The following PAQR9 variants were observed in gnomAD, a reference collection of about 807,000 sequenced individuals.
PAQR9 encodes progestin and adipoQ receptor family member 9.
Under a neutral mutation model 24.0 loss-of-function variants are expected in PAQR9, and 12 were observed. The observed-to-expected ratio is 0.50, with a 90% confidence interval of 0.32 to 0.81. PAQR9 has a LOEUF of 0.81. Among genes scored for constraint, PAQR9 ranks in the 30% least tolerant of loss-of-function variants. The pLI, the probability that PAQR9 is intolerant of heterozygous loss-of-function variation, is 0.03. For missense variants in PAQR9, 418 were observed against 520.8 expected (o/e 0.80, Z 1.92); for synonymous variants, 266 against 237.6 (o/e 1.12, Z -1.10).
At chr3:142,950,986 T>C (rs1315097335), downstream of PAQR9, among the ~76,000 whole-genome samples, 1 of 152,218 alleles carries the variant, frequency 6.6e-6, no homozygotes, top group Non-Finnish European at 1.5e-5. Flanking sequence ...TTTTGGTTAT[T>C]AGGGGTTGAA....
At position 142,963,362 on chromosome 3, in the gene PAQR9, G is replaced by A. The variant is rs1357365270; in HGVS notation, c.-26C>T. 5.0e-6 allele frequency: 6 copies of A among 1,196,782 alleles called. No homozygotes were observed. The highest frequency in any genetic ancestry group is 4.5e-5 in the Admixed American group (1 of 22,280). 74.1% of individuals were successfully genotyped at this position (1,196,782 alleles called of 1,614,324 possible). A position where few individuals can be genotyped will look rare whatever the true frequency, so the allele number is the denominator to read the frequency against. ...GGTGCCCGGGGCTCGGCTAGGGCGC[G>A]CGCAGGCGACCTCTGGCGCCGGCTC... is the stretch of plus-strand genomic sequence containing the variant. On this transcript the variant is annotated 5_prime_UTR_variant, in exon 1 of 1. Transcript: ENST00000340634.
Position 142,959,727 on chromosome 3 carries a change from G to C in PAQR9, c.*2476C>G, listed in dbSNP as rs9828314. Among the ~76,000 whole-genome samples the C allele has an allele frequency of 0.055, 8,428 of 152,302 alleles. 328 individuals are homozygous for C. Among genetic ancestry groups the C allele is most frequent in the Middle Eastern group, 0.092 (27 of 294 alleles). The stretch of plus-strand genomic sequence containing the variant: ...AAAGGACAAGAAGAGAATTCTGTCT[G>C]TGGACCTGGAAGAACAACAAAAAAT... On this transcript the variant is annotated 3_prime_UTR_variant, in exon 1 of 1. Transcript: ENST00000340634.
Position 142,959,359 on chromosome 3 carries a change from A to C in PAQR9, c.*2844T>G, listed in dbSNP as rs1214805462. On this transcript the variant is annotated 3_prime_UTR_variant, in exon 1 of 1. Transcript: ENST00000340634. ...CATCAAGAAATTTAATAAATTCAGC[A>C]AATAAACTGTATAGTTTAACAAATC... is the stretch of plus-strand genomic sequence containing the variant. 6.6e-6 allele frequency among the ~76,000 whole-genome samples: 1 copy of C among 152,250 alleles called. No individual in the cohort carries two copies. Among genetic ancestry groups the C allele is most frequent in the African/African-American group, 2.4e-5 (1 of 41,472 alleles).
In PAQR9 at chr3:142,955,083, A is replaced by C. The variant is rs940464754; in HGVS notation, c.*7120T>G. On this transcript the variant is annotated 3_prime_UTR_variant, in exon 1 of 1. Coordinates refer to ENST00000340634, the MANE Select transcript of PAQR9 (RefSeq NM_198504.4). Reference sequence around the variant, plus strand: ...TTAAATGAACTTAAAAACAAAAACAAAAAACAGACACATGAAGGTCTCTAT... The same window carrying C: ...TTAAATGAACTTAAAAACAAAAACACAAAACAGACACATGAAGGTCTCTAT... Among the ~76,000 whole-genome samples, 4 of 152,128 alleles carry C rather than the reference A, an allele frequency of 2.6e-5. 1 individual carries two copies. Among genetic ancestry groups the C allele is most frequent in the Admixed American group, 2.6e-4 (4 of 15,276 alleles).
Position 142,962,740 on chromosome 3 carries a change from G to A in PAQR9, c.597C>T (p.His199=). The A allele has an allele frequency of 1.2e-6, 2 of 1,612,554 alleles. No individual in the cohort carries two copies. Among genetic ancestry groups the A allele is most frequent in the East Asian group, 4.5e-5 (2 of 44,840 alleles). ...TPYLQQRLGW[H]VDCTRLIAAY... ...CGGCGATAAGGCGCGTGCAGTCCAC[G>A]TGCCAGCCCAGGCGCTGCTGCAAGT... Residue 199 remains histidine (H), a synonymous_variant, in exon 1 of 1, where the codon CAC becomes CAT. Transcript: ENST00000340634.
upstream of PAQR9, chr3:142,963,910 C>T (rs986732605): frequency 1.0e-6 from 1 of 985,018 alleles, no homozygotes; most frequent in Non-Finnish European, 1.2e-6. Flanking sequence ...GATGCGGGGG[C>T]CGCAGGCTGG....
chr3:142,954,242 G>A (rs1934759821), downstream of PAQR9, among the ~76,000 whole-genome samples: 1 of 152,340 alleles, frequency 6.6e-6, no homozygotes, highest in Admixed American at 6.5e-5. Context: ...GACAAGATGT[G>A]TTACACAGAA....
In PAQR9 at chr3:142,956,466, T is replaced by C. The variant is rs981398646; in HGVS notation, c.*5737A>G. Among the ~76,000 whole-genome samples, 2 of 152,210 alleles carry C rather than the reference T, an allele frequency of 1.3e-5. No homozygotes were observed. The highest frequency in any genetic ancestry group is 2.4e-5 in the African/African-American group (1 of 41,456). Reference sequence around the variant, plus strand: ...CCATGTTTGGAATAGCTTCCAGAGATTGATTGAGAACAAAAGCATTAAAGC... The same window carrying C: ...CCATGTTTGGAATAGCTTCCAGAGACTGATTGAGAACAAAAGCATTAAAGC... On this transcript the variant is annotated 3_prime_UTR_variant, in exon 1 of 1. Coordinates refer to ENST00000340634, the MANE Select transcript of PAQR9 (RefSeq NM_198504.4).
At chr3:142,953,562 G>A (rs984343681), downstream of PAQR9, among the ~76,000 whole-genome samples, 1 of 152,074 alleles carries the variant, frequency 6.6e-6, no homozygotes, top group African/African-American at 2.4e-5. Flanking sequence ...GGCTTGGAAA[G>A]CACTTTACAC....
chr3:142,949,948 T>C (rs1476620021), downstream of PAQR9: 1 of 152,202 alleles, frequency 6.6e-6, no homozygotes, highest in East Asian at 1.9e-4. Flanking sequence ...TCTAGTGACA[T>C]AGCCTCAAGC....
Position 142,962,830 on chromosome 3 carries a change from C to T in PAQR9, c.507G>A (p.Thr169=), listed in dbSNP as rs768277230. The stretch of plus-strand genomic sequence containing the variant: ...GCAACAGGTAGTAGTAGTAGGCCAC[C>T]GTGCTGCCGAAGCCGTAGTAGCTGA... The part of the protein sequence containing the change: ...ASISYYGFGS[T]VAYYYYLLPG... The change falls in exon 1 of 1, where the codon ACG becomes ACA. Residue 169 remains threonine, a synonymous_variant. Transcript: ENST00000340634. 8.7e-6 allele frequency: 14 copies of T among 1,612,924 alleles called. No individual in the cohort carries two copies. In the Admixed American group the frequency reaches 2.3e-4, roughly 27 times the overall value.
At position 142,962,268 on chromosome 3, in the gene PAQR9, C is replaced by CCAG. The variant is rs760275466; in HGVS notation, c.1066_1068dup (p.Leu356dup). The CCAG allele has an allele frequency of 6.2e-7, 1 of 1,614,180 alleles. No individual in the cohort carries two copies. The highest frequency in any genetic ancestry group is 8.5e-7 in the Non-Finnish European group (1 of 1,180,044). ...CTGATTACCAGCCCCAGGCAGACCACCAGCAGCAGCATGTAGCCCACAGTA... is the reference window on the plus strand; with the variant it reads ...CTGATTACCAGCCCCAGGCAGACCACCAGCAGCAGCAGCATGTAGCCCACAGTA... On this transcript the variant is annotated inframe_insertion, in exon 1 of 1. Coordinates refer to ENST00000340634, the MANE Select transcript of PAQR9 (RefSeq NM_198504.4).
chr3:142,963,738 G>A, upstream of PAQR9: 1 of 885,922 alleles, frequency 1.1e-6, no homozygotes, highest in Non-Finnish European at 1.4e-6. Flanking sequence ...GGGGATGTGC[G>A]AGCCGAGGCG....
At chr3:142,953,482 T>C (rs1035737133), downstream of PAQR9, among the ~76,000 whole-genome samples, 2 of 152,146 alleles carry the variant, frequency 1.3e-5, no homozygotes, top group Non-Finnish European at 2.9e-5. Context: ...TTTGGGCTGT[T>C]AGCATGGTTT....
Position 142,955,076 on chromosome 3 carries a change from A to G in PAQR9, c.*7127T>C, listed in dbSNP as rs909137361. Reference sequence around the variant, plus strand: ...ATCACCCTTAAATGAACTTAAAAACAAAAACAAAAAACAGACACATGAAGG... The same window carrying G: ...ATCACCCTTAAATGAACTTAAAAACGAAAACAAAAAACAGACACATGAAGG... On this transcript the variant is annotated 3_prime_UTR_variant, in exon 1 of 1. Coordinates refer to ENST00000340634, the MANE Select transcript of PAQR9 (RefSeq NM_198504.4). Among the ~76,000 whole-genome samples, 7 of 152,184 alleles carry G rather than the reference A, an allele frequency of 4.6e-5. No individual in the cohort carries two copies. The highest frequency in any genetic ancestry group is 7.2e-5 in the African/African-American group (3 of 41,438).
At position 142,963,403 on chromosome 3, in the gene PAQR9, C is replaced by T; in HGVS notation, c.-67G>A. The T allele has an allele frequency of 1.9e-6, 2 of 1,080,538 alleles. No individual in the cohort carries two copies. The highest frequency in any genetic ancestry group is 1.1e-6 in the Non-Finnish European group (1 of 893,768). The allele number at this position is 1,080,538 out of a possible 1,614,324, so 66.9% of individuals were successfully genotyped here. Reference sequence around the variant, plus strand: ...GCGCCGGCTCCCGGGCGCTGGGCAGCCCCCGCCGGCCGCCGTCGGAGCCTT... The same window carrying T: ...GCGCCGGCTCCCGGGCGCTGGGCAGTCCCCGCCGGCCGCCGTCGGAGCCTT... On this transcript the variant is annotated 5_prime_UTR_variant, in exon 1 of 1. Coordinates refer to ENST00000340634, the MANE Select transcript of PAQR9 (RefSeq NM_198504.4).
rs1245934510 is a variant in PAQR9, at chr3:142,961,020, A to G, written c.*1183T>C. 2.6e-5 allele frequency: 4 copies of G among 152,264 alleles called. No individual in the cohort carries two copies. The East Asian group carries it at 7.7e-4, about 29-fold the overall frequency. 9.4% of individuals were successfully genotyped at this position (152,264 alleles called of 1,614,324 possible). A position where few individuals can be genotyped will look rare whatever the true frequency, so the allele number is the denominator to read the frequency against. On this transcript the variant is annotated 3_prime_UTR_variant, in exon 1 of 1. Coordinates refer to ENST00000340634, the MANE Select transcript of PAQR9 (RefSeq NM_198504.4). The stretch of plus-strand genomic sequence containing the variant: ...TCTCCCATGGCTGCATTAGAAACAC[A>G]TCTACATTAGAGGGTTGGCTCTTTG...
chr3:142,958,967 G>T lies in PAQR9; in HGVS notation c.*3236C>A, dbSNP rs1004413270. On this transcript the variant is annotated 3_prime_UTR_variant, in exon 1 of 1. Transcript: ENST00000340634. ...TCAGCCCCAGAGACCAACCCACGGGGTGACAGGCACCGAAGTCAAACACCT... is the reference window on the plus strand; with the variant it reads ...TCAGCCCCAGAGACCAACCCACGGGTTGACAGGCACCGAAGTCAAACACCT... Among the ~76,000 whole-genome samples the T allele has an allele frequency of 2.6e-5, 4 of 152,182 alleles. No individual in the cohort carries two copies. The highest frequency in any genetic ancestry group is 4.4e-5 in the Non-Finnish European group (3 of 68,034).
At chr3:142,951,756 T>C (rs1207276234), downstream of PAQR9, 2 of 456,524 alleles carry the variant, frequency 4.4e-6, no homozygotes, top group Admixed American at 2.4e-5. Flanking sequence ...AGATGCTCTA[T>C]CTTCACTCTT....
Sources: gnomAD v4.1 joint callset for allele counts (sites outside exome capture counted in the v4.1 genomes callset) on GRCh38, gnomAD v4.1.1 for gene constraint, MANE v1.5 for transcripts, NCBI Gene and HGNC (gene_info 2026-07-23, HGNC 2026-07-21) for gene names.